ITGA4: variants seen among roughly 807,000 people sequenced by gnomAD.
ITGA4 encodes the protein integrin alpha-4.
ITGA4 carries 63 observed loss-of-function variants against 133.6 expected under a neutral mutation model. The ratio of observed to expected loss-of-function variants is 0.47; its 90% CI spans 0.38 to 0.58. The LOEUF is 0.58. ITGA4 is among the 20% of genes least tolerant of loss of function. The pLI is 0.00. For missense variants in ITGA4, 1,076 were observed against 1,252.7 expected (o/e 0.86, Z 2.13); for synonymous variants, 483 against 438.0 (o/e 1.10, Z -1.28).
chr2:181,491,034 CT>C (rs1686041342), intron 10 of ITGA4, among the ~76,000 whole-genome samples: 1 of 152,062 alleles, frequency 6.6e-6, no homozygotes, highest in Non-Finnish European at 1.5e-5. Flanking sequence ...ATAATGATAG[CT>C]AGAACTTTAT....
In ITGA4 at chr2:181,484,405, C is replaced by A. The variant is rs977117317; in HGVS notation, c.1042-1476C>A. Among the ~76,000 whole-genome samples, 8 of 152,232 alleles carry A rather than the reference C, an allele frequency of 5.3e-5. No homozygotes were observed. The South Asian group carries it at 8.3e-4, about 16-fold the overall frequency. On this transcript the variant is annotated intron_variant, in intron 9 of 27. Coordinates refer to ENST00000397033, the MANE Select transcript of ITGA4 (RefSeq NM_000885.6). ...ATCACCTCTTCCTATTGAAACTCTC[C>A]TTCCAGAACTTCAGAGCCATTGCAT...
At chr2:181,476,949 G>C (rs1685690994) in intron 4 of ITGA4, among the ~76,000 whole-genome samples, 1 of 152,074 alleles carries the variant, frequency 6.6e-6, no homozygotes, top group East Asian at 1.9e-4. Context: ...ACACAAAGTA[G>C]GCACAAACAC....
In ITGA4 at chr2:181,493,431, T is replaced by C. The variant is rs1172852053; in HGVS notation, c.1248+12T>C. 2 of 1,530,728 alleles carry C rather than the reference T, an allele frequency of 1.3e-6. No individual in the cohort carries two copies. Among genetic ancestry groups the C allele is most frequent in the Non-Finnish European group, 1.8e-6 (2 of 1,113,604 alleles). The allele number at this position is 1,530,728 out of a possible 1,614,324, so 94.8% of individuals were successfully genotyped here. A position where few individuals can be genotyped will look rare whatever the true frequency, so the allele number is the denominator to read the frequency against. On this transcript the variant is annotated intron_variant, in intron 11 of 27. Coordinates refer to ENST00000397033, the MANE Select transcript of ITGA4 (RefSeq NM_000885.6). ...CAACCTTCTCACAGGTAAGGTACTA[T>C]TCTATTTCCAAAAGAAGCATTGGTT...
chr2:181,457,348 A>G (rs1217849583), upstream of ITGA4: 5 of 324,558 alleles, frequency 1.5e-5, no homozygotes, highest in Non-Finnish European at 2.9e-5. Flanking sequence ...GCGCCTCCGC[A>G]CCACGCCCGG....
At position 181,509,680 on chromosome 2, in the gene ITGA4, C is replaced by A. The variant is rs1206068896; in HGVS notation, c.1718C>A (p.Thr573Asn). 1.2e-6 allele frequency: 2 copies of A among 1,606,876 alleles called. No individual in the cohort carries two copies. Among genetic ancestry groups the A allele is most frequent in the African/African-American group, 2.7e-5 (2 of 74,494 alleles). Residue 573 changes from threonine to asparagine, a missense_variant, in exon 16 of 28, where the codon ACC becomes AAC. Physicochemically the swap from Thr to Asn is moderately conservative, Grantham distance 65 (BLOSUM62 0). Around this residue, in one of 4 missense-constraint regions of ITGA4, gnomAD observed 365 missense variants for 421.4 expected, o/e 0.87. Coordinates refer to ENST00000397033, the MANE Select transcript of ITGA4 (RefSeq NM_000885.6). ...TAGAAAGATGTGCGGGACATCCTCA[C>A]CCCAATTCAGATTGAAGCTGCTTAC... ...FMRKDVRDIL[T>N]PIQIEAAYHL... is the part of the protein sequence containing the mutation.
chr2:181,511,129 G>T (rs1237011371), intron 16 of ITGA4, among the ~76,000 whole-genome samples: 2 of 151,920 alleles, frequency 1.3e-5, no homozygotes, highest in Non-Finnish European at 2.9e-5. Context: ...CCCAGCTTAT[G>T]CCTTGGGTCT....
chr2:181,489,399 C>T (rs155113), intron 10 of ITGA4, among the ~76,000 whole-genome samples: 151,280 of 152,336 alleles, frequency 0.99, 75,131 homozygotes, highest in Middle Eastern at 1. Flanking sequence ...ATGAAAAAAT[C>T]GGTCAGACAG....
At chr2:181,460,979 C>T (rs1190225517) in intron 2 of ITGA4, among the ~76,000 whole-genome samples, 3 of 151,794 alleles carry the variant, frequency 2.0e-5, no homozygotes, top group African/African-American at 7.3e-5. Context: ...CTATCAAGAA[C>T]CTGAAGGTGT....
At chr2:181,498,874 A>T (rs1187114947) in intron 15 of ITGA4, 97 bp downstream of exon 15, 13 of 1,445,260 alleles carry the variant, frequency 9.0e-6, no homozygotes, top group African/African-American at 1.5e-5. Context: ...AAATGTAGAT[A>T]AAAGCAACTG....
At position 181,457,796 on chromosome 2, in the gene ITGA4, C is replaced by A. The variant is rs201830618; in HGVS notation, c.142C>A (p.His48Asn). The stretch of plus-strand genomic sequence containing the variant: ...GAGCGCGCTGCTTTACCAGGGCCCC[C>A]ACAACACGCTGTTCGGCTACTCGGT... ...TESALLYQGP[H>N]NTLFGYSVVL... The change falls in exon 1 of 28, where the codon CAC becomes AAC. Residue 48 changes from histidine to asparagine, a missense_variant. Physicochemically the swap from His to Asn is moderately conservative, Grantham distance 68. Coordinates refer to ENST00000397033, the MANE Select transcript of ITGA4 (RefSeq NM_000885.6). 112 of 1,613,756 alleles carry A rather than the reference C, an allele frequency of 6.9e-5. 2 individuals are homozygous for A. The South Asian group carries it at 1.2e-3, about 17-fold the overall frequency.
At chr2:181,478,855 G>A (rs1406415048) in intron 5 of ITGA4, 31 bp downstream of exon 5, 10 of 1,130,208 alleles carry the variant, frequency 8.8e-6, no homozygotes, top group Non-Finnish European at 1.1e-5. Context: ...TGCTATAAAT[G>A]TTTACATATA....
At chr2:181,472,897 C>G (rs1685588878) in intron 2 of ITGA4, among the ~76,000 whole-genome samples, 1 of 152,098 alleles carries the variant, frequency 6.6e-6, no homozygotes, top group South Asian at 2.1e-4. Context: ...CTGGACTGTT[C>G]TTTACCAAGG....
intron 2 of ITGA4, among the ~76,000 whole-genome samples, chr2:181,463,429 G>T (rs1286986304): frequency 6.6e-6 from 1 of 152,134 alleles, no homozygotes; most frequent in Non-Finnish European, 1.5e-5. Context: ...GGAAGATTTT[G>T]TTATAATTTA....
At chr2:181,510,302 A>T (rs1391221888) in intron 16 of ITGA4, among the ~76,000 whole-genome samples, 1 of 152,118 alleles carries the variant, frequency 6.6e-6, no homozygotes, top group East Asian at 1.9e-4. Context: ...TAAAAATTTC[A>T]TTATATGCTT....
intron 21 of ITGA4, among the ~76,000 whole-genome samples, chr2:181,525,782 C>T (rs569587226): frequency 2.0e-5 from 3 of 152,306 alleles, no homozygotes; most frequent in African/African-American, 4.8e-5. Context: ...CCTATGGGAT[C>T]ACCAGATTCC....
At chr2:181,518,737 G>A (rs1326301014) in intron 17 of ITGA4, among the ~76,000 whole-genome samples, 5 of 151,896 alleles carry the variant, frequency 3.3e-5, no homozygotes, top group Non-Finnish European at 7.4e-5. Context: ...TGTGAATTTG[G>A]CCTTCAGGGA....
intron 23 of ITGA4, 32 bp downstream of exon 23, chr2:181,529,680 T>G: frequency 9.2e-7 from 1 of 1,091,188 alleles, no homozygotes; most frequent in Non-Finnish European, 1.4e-6. Flanking sequence ...CTAACCTTTA[T>G]TGTGTGTCTT....
rs1006439877 is a variant in ITGA4 at position 181,495,548 on chromosome 2, T to G, written c.1385+132T>G. Reference sequence around the variant, plus strand: ...GGTATTCTGAAGCTTAATTATTGATTTTTAGGGTATTTTTTTCACCTTACA... The same window carrying G: ...GGTATTCTGAAGCTTAATTATTGATGTTTAGGGTATTTTTTTCACCTTACA... On this transcript the variant is annotated intron_variant, in intron 13 of 27. Transcript: ENST00000397033. This position sits in a 1 kb window ranked among gnomAD's most constrained non-coding sequence, Gnocchi z 4.3. 8.0e-6 allele frequency: 6 copies of G among 751,912 alleles called. No homozygotes were observed. In the Admixed American group the frequency reaches 1.4e-4, roughly 18 times the overall value. The allele number at this position is 751,912 out of a possible 1,614,324, so 46.6% of individuals were successfully genotyped here.
intron 24 of ITGA4, among the ~76,000 whole-genome samples, chr2:181,531,425 A>G (rs1046369043): frequency 6.6e-6 from 1 of 152,192 alleles, no homozygotes; most frequent in Non-Finnish European, 1.5e-5. Flanking sequence ...TACAAATAAT[A>G]AGAACATATG....
Sources: allele counts gnomAD v4.1 joint callset (sites outside exome capture counted in the v4.1 genomes callset), GRCh38; gene constraint gnomAD v4.1.1; regional missense constraint gnomAD v4.1.1; non-coding constraint Gnocchi (gnomAD v3.1); transcripts MANE v1.5; gene names NCBI Gene and HGNC (gene_info 2026-07-23, HGNC 2026-07-21).